PCYT1A: variants seen among roughly 807,000 people sequenced by gnomAD.
PCYT1A encodes the protein phosphate cytidylyltransferase 1A, choline, also known as choline-phosphate cytidylyltransferase A.
In PCYT1A, 25 loss-of-function variants were observed where a neutral mutation model predicts 43.7. The observed-to-expected ratio is 0.57, with a 90% confidence interval of 0.42 to 0.80. PCYT1A has a LOEUF of 0.80. PCYT1A is among the 30% of genes least tolerant of loss of function. The probability of loss-of-function intolerance (pLI) is 0.00; values close to 1 mark genes in which losing one functional copy is unlikely to be tolerated. For synonymous variants in PCYT1A, 172 were observed against 170.7 expected, an observed-to-expected ratio of 1.01 and a Z score of -0.06; for missense variants, 421 against 474.2, an observed-to-expected ratio of 0.89 and a Z score of 1.04.
chr3:196,266,053 A>T (rs1341496456), intron 2 of PCYT1A, among the ~76,000 whole-genome samples: 3 of 148,312 alleles, frequency 2.0e-5, no homozygotes, highest in African/African-American at 7.4e-5. Context: ...AGTGCCCATT[A>T]AAAAAAAATA....
At chr3:196,266,390 G>A (rs986289839) in intron 2 of PCYT1A, among the ~76,000 whole-genome samples, 2 of 151,432 alleles carry the variant, frequency 1.3e-5, no homozygotes, top group South Asian at 2.1e-4. Context: ...GGAAAATGGC[G>A]TGAACCCAGG....
At chr3:196,281,548 A>G (rs926534682) in intron 1 of PCYT1A, among the ~76,000 whole-genome samples, 1 of 152,198 alleles carries the variant, frequency 6.6e-6, no homozygotes, top group African/African-American at 2.4e-5. Flanking sequence ...TTTGTGCTAC[A>G]ACAGCAGAGC....
chr3:196,267,430 C>T, intron 2 of PCYT1A: 1 of 425,366 alleles, frequency 2.4e-6, no homozygotes, highest in South Asian at 1.7e-5. Flanking sequence ...ATAAAAATAT[C>T]CCAGGCCAGG....
rs745660276 is a variant in PCYT1A at position 196,277,782 on chromosome 3, G to A, written c.-10-7241C>T. 4.6e-5 allele frequency among the ~76,000 whole-genome samples: 7 copies of A among 152,152 alleles called. No homozygotes were observed. Among genetic ancestry groups the A allele is most frequent in the Non-Finnish European group, 7.4e-5 (5 of 68,022 alleles). ...GCTACTTGGGAGGCTAAGGCAGGAG[G>A]ATCACTTGATCCCTGGAGGTGGAGG... is the stretch of plus-strand genomic sequence containing the variant. On this transcript the variant is annotated intron_variant, in intron 1 of 8. Coordinates refer to ENST00000431016, the MANE Select transcript of PCYT1A (RefSeq NM_001312673.2). The surrounding 1 kb of genome is among the most constrained non-coding windows in gnomAD (Gnocchi z 4.1).
chr3:196,285,362 G>C (rs997724333), intron 1 of PCYT1A, among the ~76,000 whole-genome samples: 2 of 152,174 alleles, frequency 1.3e-5, no homozygotes, highest in Non-Finnish European at 2.9e-5. Context: ...AGGAGGCTGA[G>C]GTAGGAGAAT....
intron 2 of PCYT1A, among the ~76,000 whole-genome samples, chr3:196,263,615 C>T (rs938840987): frequency 6.6e-6 from 1 of 152,016 alleles, no homozygotes; most frequent in Non-Finnish European, 1.5e-5. Flanking sequence ...AAAGATTCCA[C>T]CCCCCGGGGA....
rs965891801 is a variant in PCYT1A, at chr3:196,241,459, A to G, written c.708+489T>C. The G allele has an allele frequency of 2.4e-6, 3 of 1,257,866 alleles. No individual in the cohort carries two copies. In the African/African-American group the frequency reaches 4.6e-5, roughly 19 times the overall value. 77.9% of individuals were successfully genotyped at this position (1,257,866 alleles called of 1,614,324 possible). A position where few individuals can be genotyped will look rare whatever the true frequency, so the allele number is the denominator to read the frequency against. ...CGCCTCAGCCTCCCAAAGTACAGGC[A>G]TGAACTACCATGCCCAGAAAAATAT... On this transcript the variant is annotated intron_variant, in intron 7 of 8. Coordinates refer to ENST00000431016, the MANE Select transcript of PCYT1A (RefSeq NM_001312673.2).
In PCYT1A at chr3:196,247,255, A is replaced by C. The variant is rs1264437935; in HGVS notation, c.486+112T>G. On this transcript the variant is annotated intron_variant, in intron 5 of 8. Coordinates refer to ENST00000431016, the MANE Select transcript of PCYT1A (RefSeq NM_001312673.2). This position sits in a 1 kb window ranked among gnomAD's most constrained non-coding sequence, Gnocchi z 4.8. ...CACTGTCATCTCCTACGAAACTTAC[A>C]TAAGAGGTAGAAGTAAAACACGGCT... is the stretch of plus-strand genomic sequence containing the variant. The C allele has an allele frequency of 9.3e-7, 1 of 1,078,970 alleles. No individual in the cohort carries two copies. Among genetic ancestry groups the C allele is most frequent in the Non-Finnish European group, 1.4e-6 (1 of 716,648 alleles). 66.8% of individuals were successfully genotyped at this position (1,078,970 alleles called of 1,614,324 possible).
intron 3 of PCYT1A, 135 bp from the exon 4 acceptor site, chr3:196,248,458 GC>G (rs540768005): frequency 5.1e-4 from 255 of 499,204 alleles, no homozygotes; most frequent in African/African-American, 4.8e-3. Context: ...TGCAACTTCC[GC>G]CTCCTGGGTT....
At chr3:196,267,394 T>G (rs777966531) in intron 2 of PCYT1A, 6 of 453,942 alleles carry the variant, frequency 1.3e-5, no homozygotes, top group African/African-American at 6.0e-5. Flanking sequence ...TGACTGCTAA[T>G]GAGTACAGGC....
At chr3:196,241,131 TAAAAAAAAAAAAAAAAAAA>T (rs1209954920) in intron 7 of PCYT1A, among the ~76,000 whole-genome samples, 2 of 49,700 alleles carry the variant, frequency 4.0e-5, no homozygotes, top group South Asian at 1.1e-3. Flanking sequence ...CCATCTCTGC[TAAAAAAAAAAAAAAAAAAA>T]AAAAAAAAAA....
chr3:196,286,952 A>C (rs905543701), intron 1 of PCYT1A, among the ~76,000 whole-genome samples: 3 of 152,228 alleles, frequency 2.0e-5, no homozygotes, highest in African/African-American at 7.2e-5. Flanking sequence ...TCCATCCACT[A>C]AATTGGTTTC....
intron 1 of PCYT1A, among the ~76,000 whole-genome samples, chr3:196,280,589 T>TC (rs1553837247): frequency 6.9e-4 from 101 of 146,068 alleles, no homozygotes; most frequent in African/African-American, 2.1e-3. Flanking sequence ...TTTTTTTTTT[T>TC]CTGAATATTT....
chr3:196,243,990 C>T (rs1220687564), intron 5 of PCYT1A, among the ~76,000 whole-genome samples: 3 of 152,040 alleles, frequency 2.0e-5, no homozygotes, highest in Admixed American at 6.5e-5. Context: ...TCTGCCTGGC[C>T]GCCCATCGTC....
At chr3:196,276,696 A>G (rs1725600744) in intron 1 of PCYT1A, among the ~76,000 whole-genome samples, 1 of 152,230 alleles carries the variant, frequency 6.6e-6, no homozygotes, top group African/African-American at 2.4e-5. Flanking sequence ...CTCCACCTCA[A>G]AAATGCTTAT....
chr3:196,271,072 TG>T (rs1389212089), intron 1 of PCYT1A, among the ~76,000 whole-genome samples: 3 of 152,218 alleles, frequency 2.0e-5, no homozygotes, highest in Non-Finnish European at 4.4e-5. Flanking sequence ...TTGCCCAGGC[TG>T]GGGTGCAGTG....
Position 196,238,908 on chromosome 3 carries a change from A to G in PCYT1A, c.898-14T>C. 1.4e-6 allele frequency: 2 copies of G among 1,392,502 alleles called. No homozygotes were observed. The highest frequency in any genetic ancestry group is 1.9e-6 in the Non-Finnish European group (2 of 1,068,120). The allele number at this position is 1,392,502 out of a possible 1,614,324, so 86.3% of individuals were successfully genotyped here. ...CAGCATATGTTTCTGCAGAAACCGA[A>G]AGGAAGAGTCAGAAAAACACCGTGG... On this transcript the variant is annotated splice_polypyrimidine_tract_variant and intron_variant, in intron 8 of 8. Coordinates refer to ENST00000431016, the MANE Select transcript of PCYT1A (RefSeq NM_001312673.2).
At chr3:196,259,485 G>C (rs375492070) in intron 2 of PCYT1A, among the ~76,000 whole-genome samples, 2 of 152,072 alleles carry the variant, frequency 1.3e-5, no homozygotes, top group African/African-American at 4.8e-5. Flanking sequence ...TTTGTTTTCA[G>C]GTAAGTGTAG....
At chr3:196,269,972 C>A (rs1242146882) in intron 2 of PCYT1A, among the ~76,000 whole-genome samples, 1 of 152,170 alleles carries the variant, frequency 6.6e-6, no homozygotes, top group East Asian at 1.9e-4. Context: ...CTCCCGAGTT[C>A]AAGCAATTCT....
Sources: allele counts gnomAD v4.1 joint callset (sites outside exome capture counted in the v4.1 genomes callset), GRCh38; gene constraint gnomAD v4.1.1; non-coding constraint Gnocchi (gnomAD v3.1); transcripts MANE v1.5; gene names NCBI Gene and HGNC (gene_info 2026-07-23, HGNC 2026-07-21).